The following CKAP5 variants were observed in gnomAD, a reference collection of about 807,000 sequenced individuals.
The protein encoded by CKAP5 is cytoskeleton associated protein 5.
CKAP5 carries 27 observed loss-of-function variants against 232.8 expected under a neutral mutation model. The observed-to-expected ratio is 0.12, with a 90% CI of 0.09 to 0.16. The LOEUF (loss-of-function observed/expected upper bound fraction) is 0.16. CKAP5 is among the 10% of genes least tolerant of loss of function. CKAP5 has a pLI of 1.00. For synonymous variants in CKAP5, 785 were observed against 841.1 expected (o/e 0.93, Z 1.16); for missense variants, 1,838 against 2,424.7 (o/e 0.76, Z 5.08).
chr11:46,840,861 T>C (rs1940035781), intron 1 of CKAP5, among the ~76,000 whole-genome samples: 1 of 152,142 alleles, frequency 6.6e-6, no homozygotes, highest in Non-Finnish European at 1.5e-5. Flanking sequence ...ATAGTCAGCC[T>C]ACAGAAGCAC....
chr11:46,779,442 A>G (rs1198518279), intron 20 of CKAP5, among the ~76,000 whole-genome samples: 1 of 151,888 alleles, frequency 6.6e-6, no homozygotes, highest in Non-Finnish European at 1.5e-5. Context: ...CAAAATCATC[A>G]ATTTCTTATG....
chr11:46,753,827 C>T lies in CKAP5; in HGVS notation c.4870-330G>A, dbSNP rs538107116. Among the ~76,000 whole-genome samples the T allele has an allele frequency of 3.6e-3, 551 of 151,782 alleles. 1 individual carries two copies. The highest frequency in any genetic ancestry group is 6.8e-3 in the Middle Eastern group (2 of 292). On this transcript the variant is annotated intron_variant, in intron 36 of 43. Transcript: ENST00000529230. ...CAGGATGGTCTCGATCTCCTGACTT[C>T]GTGATCCACCTGCCTTGGCCTCCTG...
intron 5 of CKAP5, 78 bp from the exon 6 acceptor site, chr11:46,809,952 A>T: frequency 7.4e-7 from 1 of 1,352,462 alleles, no homozygotes; most frequent in African/African-American, 1.5e-5. Flanking sequence ...ACATTTATTG[A>T]CATATCAGGA....
At chr11:46,752,191 T>TACACAC (rs1394587501) in intron 38 of CKAP5, among the ~76,000 whole-genome samples, 1 of 73,166 alleles carries the variant, frequency 1.4e-5, no homozygotes, top group African/African-American at 4.5e-5. Flanking sequence ...TATATATATA[T>TACACAC]ATACACACAC....
At chr11:46,833,032 G>A (rs1403103626) in intron 1 of CKAP5, among the ~76,000 whole-genome samples, 1 of 151,978 alleles carries the variant, frequency 6.6e-6, no homozygotes, top group African/African-American at 2.4e-5. Context: ...GTCAGATAGT[G>A]TGAGGCTATT....
chr11:46,792,616 A>G (rs1342293562), intron 13 of CKAP5, among the ~76,000 whole-genome samples: 1 of 152,174 alleles, frequency 6.6e-6, no homozygotes, highest in Non-Finnish European at 1.5e-5. Context: ...CAGAATTATC[A>G]TTCTACATGA....
At chr11:46,840,912 T>TG (rs754130209) in intron 1 of CKAP5, among the ~76,000 whole-genome samples, 1 of 151,828 alleles carries the variant, frequency 6.6e-6, no homozygotes, top group Non-Finnish European at 1.5e-5. Flanking sequence ...GCATCTGAGT[T>TG]GGGGGCAGTC....
At chr11:46,770,662 C>A (rs1371996173) in intron 25 of CKAP5, 126 bp downstream of exon 25, 1 of 818,448 alleles carries the variant, frequency 1.2e-6, no homozygotes, top group Non-Finnish European at 1.9e-6. Context: ...CTCCTGACCT[C>A]AGGTAATCCA....
At position 46,752,696 on chromosome 11, in the gene CKAP5, A is replaced by G; in HGVS notation, c.5072T>C (p.Leu1691Ser). The change falls in exon 38 of 44, where the codon TTG (leucine) becomes TCG (serine). Residue 1691 changes from leucine (L) to serine (S), a missense_variant. By Grantham distance (145) the Leu-to-Ser change is moderately radical (BLOSUM62 -2). Transcript: ENST00000529230. ...QTNILSALLV[L>S]LQDSLLATAS... ...TGTTGCTAGCAGGCTGTCTTGGAGC[A>G]AAACAAGTAGGGCACTGGAAGAAAA... 1 of 1,612,760 alleles carries G rather than the reference A, an allele frequency of 6.2e-7. No individual in the cohort carries two copies. Among genetic ancestry groups the G allele is most frequent in the Non-Finnish European group, 8.5e-7 (1 of 1,179,126 alleles).
At chr11:46,821,070 T>C in intron 2 of CKAP5, 105 bp downstream of exon 2, 1 of 699,546 alleles carries the variant, frequency 1.4e-6, no homozygotes, top group Non-Finnish European at 2.3e-6. Context: ...GCATCAGTAT[T>C]TTTGAAACTG....
intron 8 of CKAP5, 137 bp downstream of exon 8, chr11:46,807,894 A>T: frequency 1.8e-6 from 1 of 571,252 alleles, no homozygotes; most frequent in Non-Finnish European, 3.0e-6. Context: ...ACCCTTTAAA[A>T]ATGTATGTCT....
chr11:46,807,411 A>G (rs1185263619), intron 8 of CKAP5, among the ~76,000 whole-genome samples: 1 of 152,122 alleles, frequency 6.6e-6, no homozygotes, highest in Non-Finnish European at 1.5e-5. Flanking sequence ...AACAAAACAA[A>G]ATTTTCATTC....
intron 1 of CKAP5, among the ~76,000 whole-genome samples, chr11:46,827,771 T>A (rs1333154871): frequency 6.6e-6 from 1 of 152,198 alleles, no homozygotes; most frequent in Non-Finnish European, 1.5e-5. Context: ...ATCATCTAAT[T>A]TAATATGAAG....
At chr11:46,746,145 T>C (rs1043227675) in intron 42 of CKAP5, among the ~76,000 whole-genome samples, 1 of 152,136 alleles carries the variant, frequency 6.6e-6, no homozygotes, top group Non-Finnish European at 1.5e-5. Context: ...GGCAAACACA[T>C]TCTCAAATGT....
rs561531087 is a variant in CKAP5 at position 46,790,391 on chromosome 11, C to G, written c.1764+79G>C. 4.1e-5 allele frequency: 45 copies of G among 1,085,072 alleles called. No homozygotes were observed. In the Admixed American group the frequency reaches 6.8e-4, roughly 16 times the overall value. The allele number at this position is 1,085,072 out of a possible 1,614,324, so 67.2% of individuals were successfully genotyped here. A position where few individuals can be genotyped will look rare whatever the true frequency, so the allele number is the denominator to read the frequency against. On this transcript the variant is annotated intron_variant, in intron 14 of 43. Transcript: ENST00000529230. Reference sequence around the variant, plus strand: ...ATCAATTAACTGTACGTTGTAGAACCCAGCAAAGAACTCCAGTCTTCTCAT... The same window carrying G: ...ATCAATTAACTGTACGTTGTAGAACGCAGCAAAGAACTCCAGTCTTCTCAT...
intron 1 of CKAP5, among the ~76,000 whole-genome samples, chr11:46,840,374 T>C (rs1565761885): frequency 6.6e-6 from 1 of 152,110 alleles, no homozygotes; most frequent in Non-Finnish European, 1.5e-5. Context: ...TCTAGAACAA[T>C]GTGTGACAGA....
intron 1 of CKAP5, among the ~76,000 whole-genome samples, chr11:46,844,758 C>T (rs1311843519): frequency 6.6e-6 from 1 of 152,126 alleles, no homozygotes; most frequent in African/African-American, 2.4e-5. Flanking sequence ...TCTCTTGCCT[C>T]GGCCTCCCGA....
intron 1 of CKAP5, among the ~76,000 whole-genome samples, chr11:46,828,878 G>A (rs960853180): frequency 1.3e-5 from 2 of 151,974 alleles, no homozygotes; most frequent in African/African-American, 4.8e-5. Context: ...TTGGGAGGGG[G>A]ATAAGAGAAA....
chr11:46,793,882 G>A (rs891979670), intron 13 of CKAP5, among the ~76,000 whole-genome samples: 1 of 151,972 alleles, frequency 6.6e-6, no homozygotes, highest in East Asian at 1.9e-4. Flanking sequence ...AGCCGAGATT[G>A]TGCCACTGCA....
Sources: allele counts gnomAD v4.1 joint callset (sites outside exome capture counted in the v4.1 genomes callset), GRCh38; gene constraint gnomAD v4.1.1; transcripts MANE v1.5; gene names NCBI Gene and HGNC (gene_info 2026-07-23, HGNC 2026-07-21).